The following STPG4 variants were observed in gnomAD, a reference collection of about 807,000 sequenced individuals.
The protein encoded by STPG4 is protein STPG4.
A neutral mutation model predicts 31.5 loss-of-function variants in STPG4; 41 were observed. That is an observed-to-expected ratio of 1.30 (90% confidence interval 1.01 to 1.69). STPG4 has a LOEUF of 1.69. Among genes scored for constraint, STPG4 ranks in the 40% most tolerant of loss-of-function variants. The probability of loss-of-function intolerance (pLI) is 0.00; values close to 1 mark genes in which losing one functional copy is unlikely to be tolerated. For missense variants in STPG4, 375 were observed against 293.4 expected (o/e 1.28, Z -2.03); for synonymous variants, 141 against 103.0 (o/e 1.37, Z -2.24).
intron 3 of STPG4, among the ~76,000 whole-genome samples, chr2:47,132,505 T>G (rs1159116484): frequency 6.6e-6 from 1 of 152,356 alleles, no homozygotes; most frequent in Admixed American, 6.5e-5. Context: ...GATAGAGTGA[T>G]GATAACAGTC....
At chr2:47,133,224 G>A (rs1211711870) in intron 3 of STPG4, among the ~76,000 whole-genome samples, 1 of 151,434 alleles carries the variant, frequency 6.6e-6, no homozygotes, top group African/African-American at 2.4e-5. Flanking sequence ...CTGGAATGCA[G>A]TGGCGCAACC....
chr2:47,101,228 AG>A (rs1324400473), intron 5 of STPG4, among the ~76,000 whole-genome samples: 1 of 151,744 alleles, frequency 6.6e-6, no homozygotes, highest in Non-Finnish European at 1.5e-5. Context: ...GCTTTCTGGG[AG>A]GGGGCTCTCT....
At chr2:47,088,615 C>T (rs1011214117) in intron 6 of STPG4, among the ~76,000 whole-genome samples, 1 of 152,220 alleles carries the variant, frequency 6.6e-6, no homozygotes. Context: ...TAGCTACCAC[C>T]ACTATTATTT....
chr2:47,110,283 T>C (rs1209303876), intron 5 of STPG4, among the ~76,000 whole-genome samples: 1 of 152,240 alleles, frequency 6.6e-6, no homozygotes, highest in Non-Finnish European at 1.5e-5. Flanking sequence ...AAACACTGCC[T>C]GTTTTCTGCT....
At position 47,151,271 on chromosome 2, in the gene STPG4, A is replaced by G. The variant is rs150884042; in HGVS notation, c.386T>C (p.Val129Ala). The change falls in exon 3 of 7, where the codon GTT becomes GCT. Residue 129 changes from valine to alanine, a missense_variant. Physicochemically the swap from Val to Ala is moderately conservative, Grantham distance 64. Transcript: ENST00000445927. ...DKPRPSPSTL[V>A]DKDQSLQLSP... is the part of the protein sequence containing the mutation. ...GTAGCGCTTTACCTGATCTTTGTCA[A>G]CTAGTGTGCTGGGGCTTGGCCGTGG... The G allele has an allele frequency of 4.5e-5, 72 of 1,614,188 alleles. No homozygotes were observed. The African/African-American group carries it at 7.6e-4, about 17-fold the overall frequency.
At chr2:47,116,001 G>A (rs6544960) in intron 5 of STPG4, among the ~76,000 whole-genome samples, 5,537 of 152,262 alleles carry the variant, frequency 0.036, 250 homozygotes, top group Admixed American at 0.11. Context: ...TATGTGGCTA[G>A]GATATGTTGA....
rs375483195 is a variant in STPG4, at chr2:47,126,222, C to T, written c.519+3719G>A. Among the ~76,000 whole-genome samples, 200 of 152,192 alleles carry T rather than the reference C, an allele frequency of 1.3e-3. 1 individual carries two copies. The highest frequency in any genetic ancestry group is 2.4e-3 in the Non-Finnish European group (160 of 67,974). On this transcript the variant is annotated intron_variant, in intron 5 of 6. Coordinates refer to ENST00000445927, the MANE Select transcript of STPG4 (RefSeq NM_001163561.2). Reference sequence around the variant, plus strand: ...CTATTCTGGGTCTTTTGTGGTTCCACGTTAAGTTTTAGGGTTCTTTCTTCT... The same window carrying T: ...CTATTCTGGGTCTTTTGTGGTTCCATGTTAAGTTTTAGGGTTCTTTCTTCT...
At chr2:47,102,690 C>T (rs1685825360) in intron 5 of STPG4, among the ~76,000 whole-genome samples, 1 of 151,632 alleles carries the variant, frequency 6.6e-6, no homozygotes, top group South Asian at 2.1e-4. Context: ...TCTCCCCTGC[C>T]CAGAAGGAAG....
chr2:47,130,300 G>T lies in STPG4; in HGVS notation c.400-40C>A, dbSNP rs755993586. On this transcript the variant is annotated intron_variant, in intron 3 of 6. Coordinates refer to ENST00000445927, the MANE Select transcript of STPG4 (RefSeq NM_001163561.2). ...CAAGGACACCAATAGATTAATAGAG[G>T]TTGTAAACTCACTTCGTTATCTGTC... The T allele has an allele frequency of 5.9e-6, 9 of 1,526,166 alleles. No individual in the cohort carries two copies. The African/African-American group carries it at 8.3e-5, about 14-fold the overall frequency. 94.5% of individuals were successfully genotyped at this position (1,526,166 alleles called of 1,614,324 possible).
chr2:47,090,930 G>A (rs1170623454), intron 5 of STPG4, among the ~76,000 whole-genome samples: 1 of 152,154 alleles, frequency 6.6e-6, no homozygotes, highest in Non-Finnish European at 1.5e-5. Context: ...ATTAGCAACA[G>A]GCCATTCATG....
At chr2:47,126,871 G>C (rs1307459563) in intron 5 of STPG4, among the ~76,000 whole-genome samples, 1 of 152,108 alleles carries the variant, frequency 6.6e-6, no homozygotes, top group African/African-American at 2.4e-5. Context: ...CCACTGAGAA[G>C]TCTGCTGTCA....
At chr2:47,097,121 C>T (rs1303328400) in intron 5 of STPG4, among the ~76,000 whole-genome samples, 2 of 152,114 alleles carry the variant, frequency 1.3e-5, no homozygotes, top group African/African-American at 4.8e-5. Flanking sequence ...CACTCAGATT[C>T]ATGTGCAAAA....
At chr2:47,089,464 A>G (rs1031162439) in intron 6 of STPG4, among the ~76,000 whole-genome samples, 8 of 151,944 alleles carry the variant, frequency 5.3e-5, no homozygotes, top group African/African-American at 1.9e-4. Context: ...TCTCCTACCC[A>G]CCGCTCCAAC....
intron 3 of STPG4, among the ~76,000 whole-genome samples, chr2:47,140,296 A>C (rs1268085531): frequency 6.6e-6 from 1 of 152,146 alleles, no homozygotes; most frequent in Non-Finnish European, 1.5e-5. Flanking sequence ...TGTTAGTAAG[A>C]GAGTGCCTGA....
chr2:47,133,923 G>C lies in STPG4; in HGVS notation c.400-3663C>G, dbSNP rs1573187092. Reference sequence around the variant, plus strand: ...GCTTGAATGTGGCAGGATGGTATTAGTATGGATATATAATTCAGTTATGTT... The same window carrying C: ...GCTTGAATGTGGCAGGATGGTATTACTATGGATATATAATTCAGTTATGTT... On this transcript the variant is annotated intron_variant, in intron 3 of 6. Transcript: ENST00000445927. Among the ~76,000 whole-genome samples the C allele has an allele frequency of 2.6e-5, 4 of 152,120 alleles. No homozygotes were observed. The South Asian group carries it at 8.3e-4, about 32-fold the overall frequency.
At chr2:47,141,037 C>G (rs1686692100) in intron 3 of STPG4, among the ~76,000 whole-genome samples, 1 of 151,974 alleles carries the variant, frequency 6.6e-6, no homozygotes. Context: ...CAGGTGTGTA[C>G]CACCACGGCC....
chr2:47,099,754 G>A (rs1451635775), intron 5 of STPG4, among the ~76,000 whole-genome samples: 1 of 152,256 alleles, frequency 6.6e-6, no homozygotes, highest in African/African-American at 2.4e-5. Flanking sequence ...GTGGGAACCG[G>A]GGCTGCGCGT....
Position 47,098,425 on chromosome 2 carries a change from C to T in STPG4, c.520-8051G>A, listed in dbSNP as rs147827299. On this transcript the variant is annotated intron_variant, in intron 5 of 6. Coordinates refer to ENST00000445927, the MANE Select transcript of STPG4 (RefSeq NM_001163561.2). Reference sequence around the variant, plus strand: ...GCGGGGTTAGAAACCAGTGATTTAGCGTTTCAGCTGTGGGAGCCAGAACCA... The same window carrying T: ...GCGGGGTTAGAAACCAGTGATTTAGTGTTTCAGCTGTGGGAGCCAGAACCA... 9.8e-3 allele frequency among the ~76,000 whole-genome samples: 1,486 copies of T among 152,246 alleles called. 79 individuals are homozygous for T. The highest frequency in any genetic ancestry group is 0.087 in the Admixed American group (1,336 of 15,286).
chr2:47,117,546 T>C (rs1407967920), intron 5 of STPG4, among the ~76,000 whole-genome samples: 1 of 152,088 alleles, frequency 6.6e-6, no homozygotes, highest in Non-Finnish European at 1.5e-5. Flanking sequence ...AGTGTCTAAT[T>C]TGGGGCGCCA....
Sources: gnomAD v4.1 joint callset for allele counts (sites outside exome capture counted in the v4.1 genomes callset) on GRCh38, gnomAD v4.1.1 for gene constraint, MANE v1.5 for transcripts, NCBI Gene and HGNC (gene_info 2026-07-23, HGNC 2026-07-21) for gene names.